The following PIK3R1 variants were observed in gnomAD, a reference collection of about 807,000 sequenced individuals.
PIK3R1 encodes the protein phosphoinositide-3-kinase regulatory subunit 1.
In PIK3R1, 29 loss-of-function variants were observed where a neutral mutation model predicts 98.0. That is an observed-to-expected ratio of 0.30 (90% CI 0.22 to 0.40). The LOEUF is 0.40. Among genes scored for constraint, PIK3R1 ranks in the 10% least tolerant of loss-of-function variants. The probability of loss-of-function intolerance (pLI) is 1.00; values close to 1 mark genes in which losing one functional copy is unlikely to be tolerated. For synonymous variants in PIK3R1, 282 were observed against 311.8 expected, an observed-to-expected ratio of 0.90 and a Z score of 1.01; for missense variants, 596 against 872.7, an observed-to-expected ratio of 0.68 and a Z score of 3.99.
Position 68,248,053 on chromosome 5 carries a change from G to A in PIK3R1, c.334+21044G>A, listed in dbSNP as rs1047632548. 1.1e-4 allele frequency among the ~76,000 whole-genome samples: 16 copies of A among 151,360 alleles called. 1 individual carries two copies. The highest frequency in any genetic ancestry group is 7.2e-4 in the Admixed American group (11 of 15,226). ...GCTGCCCAGGCTGGAGTGCAGTGGC[G>A]GGATCTCAATTCACTGCAACCTCTG... On this transcript the variant is annotated intron_variant, in intron 2 of 15. Transcript: ENST00000521381.
At chr5:68,296,362 TTTC>T (rs1465670066) in intron 15 of PIK3R1, 21 bp downstream of exon 15, 1 of 1,584,974 alleles carries the variant, frequency 6.3e-7, no homozygotes, top group East Asian at 2.3e-5. Context: ...CCAGCAAACT[TTTC>T]TTTACAACAT....
rs777075311 is a variant in PIK3R1, at chr5:68,295,470, G to A, written c.1796G>A (p.Gly599Asp). The change falls in exon 14 of 16, where the codon GGC (glycine) becomes GAC (aspartate). Residue 599 changes from glycine (G) to aspartate (D), a missense_variant. Physicochemically the swap from Gly to Asp is moderately conservative, Grantham distance 94 (BLOSUM62 -1). Coordinates refer to ENST00000521381, the MANE Select transcript of PIK3R1 (RefSeq NM_181523.3). Reference protein sequence around the residue: ...VRQKKLNEWLGNENTEDQYSL... With the variant: ...VRQKKLNEWLDNENTEDQYSL... ...CAAAAGAAGTTGAACGAGTGGTTGG[G>A]CAATGAAAACACTGAAGAGTAAGTA... is the stretch of plus-strand genomic sequence containing the variant. 2 of 1,614,084 alleles carry A rather than the reference G, an allele frequency of 1.2e-6. No individual in the cohort carries two copies. The highest frequency in any genetic ancestry group is 3.3e-5 in the Admixed American group (2 of 60,020).
At position 68,297,430 on chromosome 5, in the gene PIK3R1, G is replaced by A. The variant is rs1277865985; in HGVS notation, c.2004G>A (p.Lys668=). The part of the protein sequence containing the change: ...ACSVVVDGEV[K]HCVINKTATG... Reference sequence around the variant, plus strand: ...TCTCTAGGGTGGACGGCGAAGTAAAGCATTGTGTCATAAACAAAACAGCAA... The same window carrying A: ...TCTCTAGGGTGGACGGCGAAGTAAAACATTGTGTCATAAACAAAACAGCAA... The change falls in exon 16 of 16, where the codon AAG becomes AAA. Residue 668 remains lysine (K), a synonymous_variant. Coordinates refer to ENST00000521381, the MANE Select transcript of PIK3R1 (RefSeq NM_181523.3). 1 of 1,613,834 alleles carries A rather than the reference G, an allele frequency of 6.2e-7. No homozygotes were observed. The highest frequency in any genetic ancestry group is 8.5e-7 in the Non-Finnish European group (1 of 1,179,864).
chr5:68,268,992 GGGAAAAC>G (rs1349588985), intron 2 of PIK3R1, among the ~76,000 whole-genome samples: 1 of 152,160 alleles, frequency 6.6e-6, no homozygotes, highest in Non-Finnish European at 1.5e-5. Context: ...AGGGCAAAGG[GGGAAAAC>G]TAGAACGAGT....
chr5:68,279,854 C>A (rs1580243849), intron 5 of PIK3R1, 121 bp downstream of exon 5: 5 of 881,490 alleles, frequency 5.7e-6, no homozygotes, highest in East Asian at 5.1e-5. Context: ...TGTCCCTCCC[C>A]CAACAATACC....
intron 12 of PIK3R1, 22 bp downstream of exon 12, chr5:68,294,700 G>C: frequency 3.2e-6 from 5 of 1,567,274 alleles, no homozygotes; most frequent in Non-Finnish European, 4.3e-6. Context: ...CCTTGTTCTT[G>C]TGCTAGAGAT....
intron 2 of PIK3R1, among the ~76,000 whole-genome samples, chr5:68,243,115 C>T (rs920008358): frequency 1.3e-5 from 2 of 151,298 alleles, no homozygotes; most frequent in Admixed American, 6.6e-5. Context: ...GGTCCACTGT[C>T]GCAATTTTTA....
chr5:68,243,644 T>C (rs1157067980), intron 2 of PIK3R1, among the ~76,000 whole-genome samples: 2 of 152,236 alleles, frequency 1.3e-5, no homozygotes, highest in Non-Finnish European at 2.9e-5. Context: ...TTTCCTTTAG[T>C]GACAGTTCAA....
intron 2 of PIK3R1, among the ~76,000 whole-genome samples, chr5:68,263,135 A>G (rs984718374): frequency 1.3e-5 from 1 of 77,990 alleles, no homozygotes; most frequent in Non-Finnish European, 2.7e-5. Flanking sequence ...ATACATAGAT[A>G]CATATATATT....
chr5:68,252,901 T>A (rs1017654980), intron 2 of PIK3R1, among the ~76,000 whole-genome samples: 5 of 152,194 alleles, frequency 3.3e-5, no homozygotes, highest in Admixed American at 6.5e-5. Context: ...ATATGCCCTT[T>A]TCTGCCTTTT....
chr5:68,226,552 G>A lies in PIK3R1; in HGVS notation c.-124G>A. On this transcript the variant is annotated 5_prime_UTR_variant, in exon 2 of 16. Transcript: ENST00000521381. ...TTAAACCTTTGGAGAGTGGTCCTTTGTCCTCTGCTGGACACATAATAGGAA... is the reference window on the plus strand; with the variant it reads ...TTAAACCTTTGGAGAGTGGTCCTTTATCCTCTGCTGGACACATAATAGGAA... 1 of 764,828 alleles carries A rather than the reference G, an allele frequency of 1.3e-6. No individual in the cohort carries two copies. Among genetic ancestry groups the A allele is most frequent in the African/African-American group, 1.8e-5 (1 of 56,650 alleles). 47.4% of individuals were successfully genotyped at this position (764,828 alleles called of 1,614,324 possible). A position where few individuals can be genotyped will look rare whatever the true frequency, so the allele number is the denominator to read the frequency against.
At chr5:68,233,199 T>C (rs955731913) in intron 2 of PIK3R1, among the ~76,000 whole-genome samples, 1 of 152,264 alleles carries the variant, frequency 6.6e-6, no homozygotes, top group African/African-American at 2.4e-5. Context: ...ATCATTTACA[T>C]ATCCATGTTT....
At chr5:68,247,200 A>T (rs536553058) in intron 2 of PIK3R1, among the ~76,000 whole-genome samples, 3 of 152,188 alleles carry the variant, frequency 2.0e-5, no homozygotes, top group Admixed American at 2.0e-4. Flanking sequence ...TTTTGAGTAG[A>T]GGAGGTATGC....
intron 7 of PIK3R1, chr5:68,288,817 C>T: frequency 6.5e-7 from 1 of 1,540,792 alleles, no homozygotes; most frequent in Non-Finnish European, 9.0e-7. Flanking sequence ...TGTAGTTTGT[C>T]TTGGAGTACG....
At chr5:68,232,577 G>A (rs1744523589) in intron 2 of PIK3R1, among the ~76,000 whole-genome samples, 1 of 152,190 alleles carries the variant, frequency 6.6e-6, no homozygotes, top group South Asian at 2.1e-4. Context: ...TCCTAGAGCT[G>A]CGGTGACAGT....
intron 15 of PIK3R1, among the ~76,000 whole-genome samples, chr5:68,296,991 C>T: frequency 6.6e-6 from 1 of 152,164 alleles, no homozygotes; most frequent in East Asian, 1.9e-4. Flanking sequence ...ACCTCAAGGA[C>T]AGCCAGAAAG....
chr5:68,242,516 A>G (rs1029042532), intron 2 of PIK3R1, among the ~76,000 whole-genome samples: 5 of 152,188 alleles, frequency 3.3e-5, no homozygotes, highest in African/African-American at 1.2e-4. Flanking sequence ...CCATGGGTAG[A>G]TAGGAACTCA....
chr5:68,223,666 C>T (rs1040687906), intron 1 of PIK3R1, among the ~76,000 whole-genome samples: 1 of 152,176 alleles, frequency 6.6e-6, no homozygotes, highest in African/African-American at 2.4e-5. Flanking sequence ...TTGTAGAGAC[C>T]TTTAGTTCTC....
chr5:68,237,690 C>T (rs370464471), intron 2 of PIK3R1, among the ~76,000 whole-genome samples: 1 of 151,466 alleles, frequency 6.6e-6, no homozygotes, highest in Non-Finnish European at 1.5e-5. Context: ...GAGAGAGCCT[C>T]TTCTCAGTAC....
Sources: gnomAD v4.1 joint callset for allele counts (sites outside exome capture counted in the v4.1 genomes callset) on GRCh38, gnomAD v4.1.1 for gene constraint, MANE v1.5 for transcripts, NCBI Gene and HGNC (gene_info 2026-07-23, HGNC 2026-07-21) for gene names.